The following GRM8 variants were observed in gnomAD, a reference collection of about 807,000 sequenced individuals.
GRM8 encodes metabotropic glutamate receptor 8.
A neutral mutation model predicts 87.2 loss-of-function variants in GRM8; 47 were observed. The ratio of observed to expected loss-of-function variants is 0.54; its 90% CI spans 0.43 to 0.69. The LOEUF (loss-of-function observed/expected upper bound fraction) is 0.69, where lower values mean the gene tolerates loss of function less well. Among genes scored for constraint, GRM8 ranks in the 30% least tolerant of loss-of-function variants. The probability of loss-of-function intolerance (pLI) is 0.00; values close to 1 mark genes in which losing one functional copy is unlikely to be tolerated. For missense variants in GRM8, 1,019 were observed against 1,139.2 expected (o/e 0.89, Z 1.52); for synonymous variants, 396 against 404.5 (o/e 0.98, Z 0.25).
At chr7:126,478,594 T>C (rs1281608587) in intron 9 of GRM8, among the ~76,000 whole-genome samples, 31 of 152,118 alleles carry the variant, frequency 2.0e-4, no homozygotes, top group Admixed American at 2.0e-3. Context: ...TACTGTTTAT[T>C]ACATTAAAAA....
chr7:127,231,260 A>G (rs898700975), intron 2 of GRM8, among the ~76,000 whole-genome samples: 1 of 152,042 alleles, frequency 6.6e-6, no homozygotes, highest in Non-Finnish European at 1.5e-5. Flanking sequence ...AAAAAAAAAG[A>G]TTTAGCACTT....
chr7:127,010,465 G>A (rs972141130), intron 3 of GRM8, among the ~76,000 whole-genome samples: 2 of 152,104 alleles, frequency 1.3e-5, no homozygotes, highest in Non-Finnish European at 2.9e-5. Context: ...ATGGCTGGAT[G>A]TCAGGAAGTA....
chr7:126,514,022 C>G (rs1043162557), intron 9 of GRM8, among the ~76,000 whole-genome samples: 5 of 152,232 alleles, frequency 3.3e-5, no homozygotes, highest in African/African-American at 1.2e-4. Context: ...TTTGTGCAAT[C>G]ATGCATTTGT....
At chr7:126,748,104 A>C (rs1245449714) in intron 7 of GRM8, among the ~76,000 whole-genome samples, 1 of 152,074 alleles carries the variant, frequency 6.6e-6, no homozygotes, top group Non-Finnish European at 1.5e-5. Context: ...AAAGACAAGG[A>C]TGTCTTAGTT....
At chr7:126,969,933 A>G (rs552638948) in intron 3 of GRM8, among the ~76,000 whole-genome samples, 28 of 152,240 alleles carry the variant, frequency 1.8e-4, no homozygotes, top group African/African-American at 6.3e-4. Context: ...TTCCTTGTGT[A>G]TGTCCATCTG....
chr7:127,200,349 C>T (rs1351996713), intron 2 of GRM8, among the ~76,000 whole-genome samples: 2 of 152,134 alleles, frequency 1.3e-5, no homozygotes, highest in Admixed American at 6.6e-5. Flanking sequence ...AATTAATTTC[C>T]ACTTGTGGCA....
intron 8 of GRM8, among the ~76,000 whole-genome samples, chr7:126,574,454 G>T (rs552701804): frequency 6.6e-6 from 1 of 152,286 alleles, no homozygotes; most frequent in African/African-American, 2.4e-5. Context: ...AGAATGTGAT[G>T]AATTTGGAAA....
intron 6 of GRM8, among the ~76,000 whole-genome samples, chr7:126,789,431 T>A (rs1197669752): frequency 6.6e-6 from 1 of 152,194 alleles, no homozygotes; most frequent in Non-Finnish European, 1.5e-5. Context: ...AAGCTTTTTA[T>A]CTTTGCTGCC....
chr7:126,534,678 C>G (rs572077171), intron 8 of GRM8, among the ~76,000 whole-genome samples: 1 of 152,166 alleles, frequency 6.6e-6, no homozygotes, highest in East Asian at 1.9e-4. Flanking sequence ...ATAACTCTAT[C>G]GAGATACAAG....
intron 6 of GRM8, among the ~76,000 whole-genome samples, chr7:126,780,898 G>A (rs1425386855): frequency 2.6e-5 from 4 of 152,192 alleles, no homozygotes; most frequent in Admixed American, 6.5e-5. Flanking sequence ...AAATGGAGTA[G>A]GCAGATTGGG....
In GRM8 at chr7:127,139,381, T is replaced by C. The variant is rs550259312; in HGVS notation, c.511-32669A>G. 2.6e-4 allele frequency among the ~76,000 whole-genome samples: 39 copies of C among 152,134 alleles called. 2 individuals carry two copies. The South Asian group carries it at 7.1e-3, about 28-fold the overall frequency. On this transcript the variant is annotated intron_variant, in intron 2 of 10. Transcript: ENST00000339582. ...AAACTATGACAGTCACAGTACCTCA[T>C]AGTAGTCACATTAGTGTGGTACCAT...
chr7:126,578,044 T>A (rs952694572), intron 8 of GRM8, among the ~76,000 whole-genome samples: 1 of 152,180 alleles, frequency 6.6e-6, no homozygotes, highest in Non-Finnish European at 1.5e-5. Flanking sequence ...TCCCTCTCAT[T>A]CATCAGTCTG....
At chr7:127,055,811 G>A (rs1819926135) in intron 3 of GRM8, among the ~76,000 whole-genome samples, 1 of 147,226 alleles carries the variant, frequency 6.8e-6, no homozygotes, top group Non-Finnish European at 1.5e-5. Context: ...ATCTCTAAGG[G>A]GAAAAAAAAA....
At chr7:127,033,315 A>G (rs1817562487) in intron 3 of GRM8, among the ~76,000 whole-genome samples, 1 of 151,780 alleles carries the variant, frequency 6.6e-6, no homozygotes, top group African/African-American at 2.4e-5. Context: ...GTTTTTCCCA[A>G]TGTTCCATAT....
chr7:127,145,826 C>A (rs1312153804), intron 2 of GRM8, among the ~76,000 whole-genome samples: 1 of 151,996 alleles, frequency 6.6e-6, no homozygotes, highest in Non-Finnish European at 1.5e-5. Context: ...CTTTTGTTTT[C>A]TATATTGCAT....
chr7:126,667,453 G>T (rs1465728050), intron 7 of GRM8, among the ~76,000 whole-genome samples: 2 of 152,178 alleles, frequency 1.3e-5, no homozygotes, highest in African/African-American at 4.8e-5. Context: ...TGTAATTTTA[G>T]AAGGAAAATG....
chr7:127,119,023 G>A (rs1026448061), intron 2 of GRM8, among the ~76,000 whole-genome samples: 1 of 152,304 alleles, frequency 6.6e-6, no homozygotes, highest in East Asian at 1.9e-4. Context: ...GGGGAGGGGG[G>A]CCTCCTGGCC....
chr7:127,220,911 C>G (rs1796887787), intron 2 of GRM8, among the ~76,000 whole-genome samples: 1 of 152,188 alleles, frequency 6.6e-6, no homozygotes, highest in Non-Finnish European at 1.5e-5. Flanking sequence ...TCCTTCTTGT[C>G]CCCTTGGTCA....
At chr7:127,169,608 T>C (rs897540398) in intron 2 of GRM8, among the ~76,000 whole-genome samples, 21 of 152,194 alleles carry the variant, frequency 1.4e-4, no homozygotes, top group Admixed American at 6.5e-5. Flanking sequence ...GAAGATTCCA[T>C]CCAGGATTAA....
Sources: allele counts gnomAD v4.1 joint callset (sites outside exome capture counted in the v4.1 genomes callset), GRCh38; gene constraint gnomAD v4.1.1; transcripts MANE v1.5; gene names NCBI Gene and HGNC (gene_info 2026-07-23, HGNC 2026-07-21).